The following ZMAT4 variants were observed in gnomAD, a reference collection of about 807,000 sequenced individuals.
ZMAT4 encodes the protein zinc finger matrin-type 4.
In ZMAT4, 17 loss-of-function variants were observed where a neutral mutation model predicts 28.7. That is an observed-to-expected ratio of 0.59 (90% confidence interval 0.41 to 0.89). ZMAT4 has a LOEUF of 0.89. ZMAT4 is among the 40% of genes least tolerant of loss of function. The pLI, the probability that ZMAT4 is intolerant of heterozygous loss-of-function variation, is 0.00. For missense variants in ZMAT4, 240 were observed against 283.8 expected (o/e 0.85, Z 1.11); for synonymous variants, 117 against 109.2 (o/e 1.07, Z -0.44).
chr8:40,581,695 C>T (rs545742576), intron 5 of ZMAT4, among the ~76,000 whole-genome samples: 46 of 152,302 alleles, frequency 3.0e-4, no homozygotes, highest in African/African-American at 1.1e-3. Flanking sequence ...AGACATCACT[C>T]ATTTAGGTGT....
chr8:40,623,301 G>A (rs895976650), intron 5 of ZMAT4, among the ~76,000 whole-genome samples: 2 of 152,206 alleles, frequency 1.3e-5, no homozygotes, highest in African/African-American at 4.8e-5. Flanking sequence ...ATATGGCACA[G>A]AATGCAGATT....
At chr8:40,598,231 TAC>T (rs1805168633) in intron 5 of ZMAT4, among the ~76,000 whole-genome samples, 1 of 152,246 alleles carries the variant, frequency 6.6e-6, no homozygotes, top group Non-Finnish European at 1.5e-5. Context: ...AGTTCCAGGA[TAC>T]ATGTGCAGAA....
chr8:40,565,409 G>C (rs1007388238), intron 6 of ZMAT4, among the ~76,000 whole-genome samples: 1 of 90,696 alleles, frequency 1.1e-5, no homozygotes, highest in Non-Finnish European at 2.1e-5. Context: ...TTGAGATGAA[G>C]TTTTGTTCTT....
At chr8:40,839,354 G>C (rs998782407) in intron 1 of ZMAT4, among the ~76,000 whole-genome samples, 1 of 152,216 alleles carries the variant, frequency 6.6e-6, no homozygotes, top group Non-Finnish European at 1.5e-5. Flanking sequence ...TAAGCATTTT[G>C]TCTAGAATGG....
rs563881030 is a variant in ZMAT4, at chr8:40,889,818, T to C, written c.-5+7865A>G. 2.1e-3 allele frequency among the ~76,000 whole-genome samples: 315 copies of C among 152,338 alleles called. 1 individual carries two copies. Among genetic ancestry groups the C allele is most frequent in the African/African-American group, 7.2e-3 (300 of 41,584 alleles). Reference sequence around the variant, plus strand: ...ATAATGCTGAAAGGAATATTCTTAATTAGAACTATTTTGCACATCTCTAAC... The same window carrying C: ...ATAATGCTGAAAGGAATATTCTTAACTAGAACTATTTTGCACATCTCTAAC... On this transcript the variant is annotated intron_variant, in intron 1 of 6. Transcript: ENST00000297737.
At chr8:40,731,145 C>T (rs931225028) in intron 3 of ZMAT4, among the ~76,000 whole-genome samples, 2 of 152,144 alleles carry the variant, frequency 1.3e-5, no homozygotes, top group African/African-American at 4.8e-5. Flanking sequence ...TGTTGCACCT[C>T]CCCATTTGTT....
chr8:40,818,926 G>C (rs1815645074), intron 2 of ZMAT4, among the ~76,000 whole-genome samples: 1 of 152,190 alleles, frequency 6.6e-6, no homozygotes, highest in Admixed American at 6.5e-5. Context: ...TAGCAGCTCT[G>C]GAAAGTCATG....
intron 1 of ZMAT4, among the ~76,000 whole-genome samples, chr8:40,878,881 T>C (rs1374806626): frequency 6.6e-6 from 1 of 152,168 alleles, no homozygotes; most frequent in Admixed American, 6.5e-5. Flanking sequence ...TAGCATTGAG[T>C]GGGCAGGGCT....
chr8:40,691,835 G>A (rs1267431583), intron 4 of ZMAT4, among the ~76,000 whole-genome samples: 1 of 152,108 alleles, frequency 6.6e-6, no homozygotes, highest in Non-Finnish European at 1.5e-5. Context: ...ATGTTCCCAT[G>A]GATATAAGCA....
At chr8:40,697,538 G>T in intron 3 of ZMAT4, 137 bp from the exon 4 acceptor site, 1 of 946,278 alleles carries the variant, frequency 1.1e-6, no homozygotes, top group Non-Finnish European at 1.4e-6. Context: ...TTTTTGCCTT[G>T]CTTTCTACTC....
intron 5 of ZMAT4, among the ~76,000 whole-genome samples, chr8:40,667,483 C>T (rs1808468693): frequency 6.6e-6 from 1 of 152,166 alleles, no homozygotes; most frequent in South Asian, 2.1e-4. Context: ...TAACCATCTC[C>T]TGTTGCAATG....
At chr8:40,863,299 A>G (rs1320251482) in intron 1 of ZMAT4, among the ~76,000 whole-genome samples, 2 of 152,178 alleles carry the variant, frequency 1.3e-5, no homozygotes, top group Admixed American at 6.5e-5. Context: ...AAAAACTGGT[A>G]AAAGCATGTA....
At position 40,875,755 on chromosome 8, in the gene ZMAT4, G is replaced by A. The variant is rs181883906; in HGVS notation, c.-5+21928C>T. On this transcript the variant is annotated intron_variant, in intron 1 of 6. Transcript: ENST00000297737. Reference sequence around the variant, plus strand: ...AAGTTCTGCCCACAGTGCCCGGGCCGGTCAGGCAGTAAGACGATGGAGGAG... The same window carrying A: ...AAGTTCTGCCCACAGTGCCCGGGCCAGTCAGGCAGTAAGACGATGGAGGAG... Among the ~76,000 whole-genome samples, 518 of 152,184 alleles carry A rather than the reference G, an allele frequency of 3.4e-3. 1 individual carries two copies. The highest frequency in any genetic ancestry group is 0.012 in the African/African-American group (490 of 41,506).
intron 5 of ZMAT4, among the ~76,000 whole-genome samples, chr8:40,587,383 CTTGAT>C (rs1804705003): frequency 6.6e-6 from 1 of 152,076 alleles, no homozygotes; most frequent in Non-Finnish European, 1.5e-5. Context: ...TAAAATTCCT[CTTGAT>C]TTATTTGAAA....
At chr8:40,624,019 T>C (rs1806289372) in intron 5 of ZMAT4, among the ~76,000 whole-genome samples, 2 of 152,196 alleles carry the variant, frequency 1.3e-5, no homozygotes. Context: ...ATACTGTTTT[T>C]CTTGCCTGTG....
intron 6 of ZMAT4, among the ~76,000 whole-genome samples, chr8:40,554,362 GTTAA>G (rs1252811670): frequency 2.7e-5 from 4 of 150,510 alleles, no homozygotes; most frequent in Non-Finnish European, 6.0e-5. Flanking sequence ...AATTAACTAA[GTTAA>G]TTAGTTAATT....
chr8:40,620,435 C>T (rs536905031), intron 5 of ZMAT4, among the ~76,000 whole-genome samples: 1 of 152,200 alleles, frequency 6.6e-6, no homozygotes, highest in African/African-American at 2.4e-5. Flanking sequence ...AGCTAGTGAT[C>T]TGTTAACCTG....
At chr8:40,887,553 A>T (rs1818503834) in intron 1 of ZMAT4, among the ~76,000 whole-genome samples, 1 of 151,158 alleles carries the variant, frequency 6.6e-6, no homozygotes, top group Non-Finnish European at 1.5e-5. Context: ...GGAAATTTGG[A>T]AAATACAAAA....
At chr8:40,798,213 G>T (rs1405272671) in intron 2 of ZMAT4, among the ~76,000 whole-genome samples, 1 of 152,188 alleles carries the variant, frequency 6.6e-6, no homozygotes, top group Admixed American at 6.5e-5. Context: ...ACAAACCAGA[G>T]CAGATATGCT....
Sources: allele counts gnomAD v4.1 joint callset (sites outside exome capture counted in the v4.1 genomes callset), GRCh38; gene constraint gnomAD v4.1.1; transcripts MANE v1.5; gene names NCBI Gene and HGNC (gene_info 2026-07-23, HGNC 2026-07-21).